Variants in SMG5 observed in about 807,000 individuals in gnomAD.
SMG5 encodes SMG5 nonsense mediated mRNA decay factor.
Under a neutral mutation model 122.9 loss-of-function variants are expected in SMG5, and 53 were observed. The observed-to-expected ratio is 0.43, with a 90% CI of 0.35 to 0.54. The LOEUF (loss-of-function observed/expected upper bound fraction) is 0.54, where lower values mean the gene tolerates loss of function less well. Among genes scored for constraint, SMG5 ranks in the 20% least tolerant of loss-of-function variants. The pLI, the probability that SMG5 is intolerant of heterozygous loss-of-function variation, is 0.01. For synonymous variants in SMG5, 477 were observed against 490.2 expected (o/e 0.97, Z 0.35); for missense variants, 1,153 against 1,285.6 (o/e 0.90, Z 1.58).
rs115286019 is a variant in SMG5, at chr1:156,258,430, T to C, written c.2442+575A>G. 5.2e-3 allele frequency among the ~76,000 whole-genome samples: 786 copies of C among 152,282 alleles called. 6 individuals carry two copies. The highest frequency in any genetic ancestry group is 0.018 in the African/African-American group (750 of 41,564). Reference sequence around the variant, plus strand: ...TTAAGTGACTTGCTCAATTCATAGATTAAAAGGTGACAGAGATGGCCTCAA... The same window carrying C: ...TTAAGTGACTTGCTCAATTCATAGACTAAAAGGTGACAGAGATGGCCTCAA... On this transcript the variant is annotated intron_variant, in intron 16 of 21. Coordinates refer to ENST00000361813, the MANE Select transcript of SMG5 (RefSeq NM_015327.3).
intron 13 of SMG5, among the ~76,000 whole-genome samples, chr1:156,261,834 G>T (rs575415251): frequency 6.7e-6 from 1 of 148,276 alleles, no homozygotes; most frequent in African/African-American, 2.5e-5. Flanking sequence ...AGGCTGCAGT[G>T]AGCTGAGACT....
intron 1 of SMG5, among the ~76,000 whole-genome samples, chr1:156,280,751 C>T (rs1657796846): frequency 6.6e-6 from 1 of 152,190 alleles, no homozygotes; most frequent in South Asian, 2.1e-4. Flanking sequence ...AGAGGGCTCA[C>T]CACTTTTTTC....
chr1:156,254,842 C>A (rs182420220), intron 16 of SMG5, among the ~76,000 whole-genome samples: 35 of 152,096 alleles, frequency 2.3e-4, no homozygotes, highest in Middle Eastern at 6.8e-3. Flanking sequence ...GTAATCCCAG[C>A]ACTTTGGGAG....
chr1:156,275,155 AAAC>A (rs1213622754), intron 4 of SMG5, among the ~76,000 whole-genome samples: 1 of 151,650 alleles, frequency 6.6e-6, no homozygotes, highest in Non-Finnish European at 1.5e-5. Context: ...AAAAAAGCAA[AAAC>A]AACGACAACA....
At chr1:156,265,659 G>A in intron 12 of SMG5, 122 bp downstream of exon 12, 1 of 1,436,912 alleles carries the variant, frequency 7.0e-7, no homozygotes, top group Non-Finnish European at 9.4e-7. Context: ...ACCACAGGCA[G>A]AGGGCCAAAG....
chr1:156,264,458 A>G (rs570220760), intron 12 of SMG5, among the ~76,000 whole-genome samples: 1 of 152,226 alleles, frequency 6.6e-6, no homozygotes, highest in Admixed American at 6.5e-5. Flanking sequence ...GGATACAGCA[A>G]TAAGTAAGAA....
intron 13 of SMG5, 119 bp downstream of exon 13, chr1:156,263,276 A>T (rs1661942575): frequency 8.8e-7 from 1 of 1,137,302 alleles, no homozygotes; most frequent in Non-Finnish European, 1.3e-6. Flanking sequence ...ATAGGTGATT[A>T]ATTGCTTGGC....
chr1:156,268,547 G>T, intron 7 of SMG5, 132 bp from the exon 8 acceptor site: 1 of 1,154,490 alleles, frequency 8.7e-7, no homozygotes, highest in Non-Finnish European at 1.2e-6. Flanking sequence ...CATACGCAGG[G>T]TAAAAGGCTC....
the SMG5 span, chr1:156,290,893 C>G: frequency 3.4e-5 from 3 of 87,090 alleles, no homozygotes; most frequent in Non-Finnish European, 6.4e-5. Context: ...AATATTGATG[C>G]CTGGGGTGGG....
Position 156,266,110 on chromosome 1 carries a change from T to A in SMG5, c.1526A>T (p.Asp509Val). Residue 509 changes from aspartate (D) to valine (V), a missense_variant, in exon 12 of 22, where the codon GAT becomes GTT. Physicochemically the swap from Asp to Val is radical, Grantham distance 152 (BLOSUM62 -3). Transcript: ENST00000361813. The part of the protein sequence containing the change: ...KSLEGGGTAF[D>V]AETDSEMNSQ... ...ATTCATTTCCGAGTCTGTTTCAGCA[T>A]CAAAGGCCGTTCCCCCACCTTCAAG... is the stretch of plus-strand genomic sequence containing the variant. 1.2e-6 allele frequency: 2 copies of A among 1,614,142 alleles called. No homozygotes were observed. The highest frequency in any genetic ancestry group is 2.2e-5 in the East Asian group (1 of 44,896).
chr1:156,273,063 T>G (rs1240627486), intron 6 of SMG5, among the ~76,000 whole-genome samples: 3 of 152,202 alleles, frequency 2.0e-5, no homozygotes, highest in Non-Finnish European at 4.4e-5. Context: ...AATAGTCTTA[T>G]GCTTTATCTC....
chr1:156,268,099 G>C lies in SMG5; in HGVS notation c.908+16C>G, dbSNP rs1390858496. On this transcript the variant is annotated intron_variant, in intron 9 of 21. Coordinates refer to ENST00000361813, the MANE Select transcript of SMG5 (RefSeq NM_015327.3). ...GGCTCACAGGATAGTTCAGGTTCAT[G>C]CTCTCTTCCACTCACCTGCTTTTGG... 6.2e-7 allele frequency: 1 copy of C among 1,613,368 alleles called. No homozygotes were observed. Among genetic ancestry groups the C allele is most frequent in the African/African-American group, 1.3e-5 (1 of 75,010 alleles).
In SMG5 at chr1:156,249,775, A is replaced by G. The variant is rs1357466321; in HGVS notation, c.*812T>C. 2 of 470,938 alleles carry G rather than the reference A, an allele frequency of 4.2e-6. No individual in the cohort carries two copies. The highest frequency in any genetic ancestry group is 1.5e-5 in the South Asian group (1 of 64,570). 29.2% of individuals were successfully genotyped at this position (470,938 alleles called of 1,614,324 possible). ...CCCTTTCTTCTCTTCCTGGCATCCC[A>G]TTCTGTCCCAGCACAGCAGCCAAGA... On this transcript the variant is annotated 3_prime_UTR_variant, in exon 22 of 22. Coordinates refer to ENST00000361813, the MANE Select transcript of SMG5 (RefSeq NM_015327.3).
At chr1:156,278,847 CAG>C in intron 2 of SMG5, 87 bp downstream of exon 2, 1 of 1,090,122 alleles carries the variant, frequency 9.2e-7, no homozygotes, top group Non-Finnish European at 1.4e-6. Context: ...GGAGGTAAAA[CAG>C]AGTGCGTGTT....
rs972016620 is a variant in SMG5, at chr1:156,253,615, A to G, written c.2443-107T>C. The G allele has an allele frequency of 4.1e-6, 4 of 987,320 alleles. 1 individual carries two copies. In the Middle Eastern group the frequency reaches 6.1e-4, roughly 152 times the overall value. 61.2% of individuals were successfully genotyped at this position (987,320 alleles called of 1,614,324 possible). On this transcript the variant is annotated intron_variant, in intron 16 of 21. Transcript: ENST00000361813. Reference sequence around the variant, plus strand: ...GGGGTCTCAGTGTGACCTCATGCAAAGTCACTCTCTAGCACTGCTGCTGAA... The same window carrying G: ...GGGGTCTCAGTGTGACCTCATGCAAGGTCACTCTCTAGCACTGCTGCTGAA...
At chr1:156,274,732 T>A (rs1662602352) in intron 4 of SMG5, 46 bp from the exon 5 acceptor site, 1 of 1,506,844 alleles carries the variant, frequency 6.6e-7, no homozygotes, top group Non-Finnish European at 9.2e-7. Flanking sequence ...TCTTCTGCCT[T>A]CCCGCACCTA....
intron 16 of SMG5, 176 bp from the exon 17 acceptor site, chr1:156,253,684 A>T: frequency 1.6e-6 from 1 of 642,124 alleles, no homozygotes. Context: ...CTTCCACTGC[A>T]CTCTGAACAA....
chr1:156,251,920 T>C (rs1023831508), intron 19 of SMG5, among the ~76,000 whole-genome samples: 8 of 152,226 alleles, frequency 5.3e-5, no homozygotes, highest in Admixed American at 6.5e-5. Flanking sequence ...CTGTACCGGC[T>C]GAGCATCTGC....
Position 156,266,263 on chromosome 1 carries a change from CAGGAG to C in SMG5, c.1368_1372del (p.Cys458ProfsTer11). The C allele has an allele frequency of 6.2e-7, 1 of 1,614,246 alleles. No individual in the cohort carries two copies. Among genetic ancestry groups the C allele is most frequent in the Non-Finnish European group, 8.5e-7 (1 of 1,180,052 alleles). On this transcript the variant is annotated frameshift_variant, in exon 12 of 22. Coordinates refer to ENST00000361813, the MANE Select transcript of SMG5 (RefSeq NM_015327.3). LOFTEE classifies it high-confidence loss of function. The stretch of plus-strand genomic sequence containing the variant: ...GGGTGGGTGGCGGCGACGGCGGAGA[CAGGAG>C]AGGCGAGAGAACTTACGGCTCTTTC...
Sources: allele counts gnomAD v4.1 joint callset (sites outside exome capture counted in the v4.1 genomes callset), GRCh38; gene constraint gnomAD v4.1.1; transcripts MANE v1.5; gene names NCBI Gene and HGNC (gene_info 2026-07-23, HGNC 2026-07-21).